Variants in ANO2 observed in about 807,000 individuals in gnomAD.
ANO2 encodes anoctamin-2.
ANO2 carries 101 observed loss-of-function variants against 124.2 expected under a neutral mutation model. That is an observed-to-expected ratio of 0.81 (90% CI 0.69 to 0.96). The LOEUF (loss-of-function observed/expected upper bound fraction) is 0.96. ANO2 is among the 40% of genes least tolerant of loss of function. The probability of loss-of-function intolerance (pLI) is 0.00; values close to 1 mark genes in which losing one functional copy is unlikely to be tolerated. For synonymous variants in ANO2, 486 were observed against 482.5 expected, an observed-to-expected ratio of 1.01 and a Z score of -0.09; for missense variants, 1,293 against 1,274.5, an observed-to-expected ratio of 1.01 and a Z score of -0.22.
intron 14 of ANO2, among the ~76,000 whole-genome samples, chr12:5,723,801 C>T (rs1311834035): frequency 6.6e-6 from 1 of 152,216 alleles, no homozygotes; most frequent in Non-Finnish European, 1.5e-5. Context: ...AGCTACATGT[C>T]CCCTGAAATG....
chr12:5,641,962 A>G (rs1946411441), intron 15 of ANO2, among the ~76,000 whole-genome samples: 1 of 152,178 alleles, frequency 6.6e-6, no homozygotes, highest in African/African-American at 2.4e-5. Context: ...TATTTGTTGA[A>G]TGGTGGTCCA....
At chr12:5,571,665 C>T (rs1371468901) in intron 23 of ANO2, among the ~76,000 whole-genome samples, 7 of 152,178 alleles carry the variant, frequency 4.6e-5, no homozygotes, top group Non-Finnish European at 1.0e-4. Context: ...ACTTCTCTAT[C>T]ATAGTCCCTT....
intron 1 of ANO2, among the ~76,000 whole-genome samples, chr12:5,938,569 C>A (rs1942755380): frequency 6.6e-6 from 1 of 152,136 alleles, no homozygotes; most frequent in Admixed American, 6.5e-5. Flanking sequence ...GCCTATAATC[C>A]CAGCACTTTG....
upstream of ANO2, chr12:5,945,291 C>A (rs1274765133): frequency 1.6e-6 from 2 of 1,225,132 alleles, no homozygotes; most frequent in East Asian, 7.2e-5. Context: ...GGGCTAATTC[C>A]ATCGCGGCTC....
chr12:5,796,383 AAC>A (rs1161526335), intron 10 of ANO2, among the ~76,000 whole-genome samples: 1 of 147,382 alleles, frequency 6.8e-6, no homozygotes, highest in African/African-American at 2.5e-5. Context: ...CACTCTCCCA[AAC>A]ACACATATTC....
chr12:5,923,208 ACC>A (rs1941890741), intron 1 of ANO2, among the ~76,000 whole-genome samples: 29 of 147,124 alleles, frequency 2.0e-4, no homozygotes, highest in African/African-American at 3.5e-4. Context: ...ACGCACACAC[ACC>A]CACATACACA....
At position 5,913,336 on chromosome 12, in the gene ANO2, C is replaced by T. The variant is rs112781448; in HGVS notation, c.534+7704G>A. On this transcript the variant is annotated intron_variant, in intron 3 of 24. Transcript: ENST00000682330. ...TCGCCCTGTGAGGTGATGGACTGAT[C>T]TGGGTCCCAAAAAATGGTCACCCAG... 4.7e-4 allele frequency among the ~76,000 whole-genome samples: 72 copies of T among 152,286 alleles called. 1 individual carries two copies. The highest frequency in any genetic ancestry group is 1.7e-3 in the African/African-American group (71 of 41,564).
At chr12:5,678,158 A>G (rs1160695919) in intron 14 of ANO2, among the ~76,000 whole-genome samples, 1 of 152,160 alleles carries the variant, frequency 6.6e-6, no homozygotes, top group Non-Finnish European at 1.5e-5. Flanking sequence ...GTCGCTAGAT[A>G]ATTGATGCTG....
chr12:5,859,320 T>C (rs533490253), intron 3 of ANO2, among the ~76,000 whole-genome samples: 10 of 152,334 alleles, frequency 6.6e-5, no homozygotes, highest in African/African-American at 1.4e-4. Context: ...ATGTGAAATA[T>C]ATAACAGAGC....
At chr12:5,650,443 A>G (rs453385) in intron 14 of ANO2, among the ~76,000 whole-genome samples, 39,954 of 152,034 alleles carry the variant, frequency 0.26, 5,717 homozygotes, top group African/African-American at 0.36. Context: ...ACAGCTCCCA[A>G]CACACACACA....
chr12:5,718,567 C>T (rs946587954), intron 14 of ANO2, among the ~76,000 whole-genome samples: 8 of 152,160 alleles, frequency 5.3e-5, no homozygotes, highest in Admixed American at 2.0e-4. Flanking sequence ...CATGTTTATG[C>T]GAGGTAAAGG....
intron 4 of ANO2, among the ~76,000 whole-genome samples, chr12:5,853,764 C>T (rs2137254084): frequency 6.6e-6 from 1 of 152,098 alleles, no homozygotes; most frequent in South Asian, 2.1e-4. Context: ...GGAGGTGAAA[C>T]AGAAAAATGA....
chr12:5,761,153 C>T (rs1951733309), intron 10 of ANO2, among the ~76,000 whole-genome samples: 1 of 151,828 alleles, frequency 6.6e-6, no homozygotes, highest in Admixed American at 6.6e-5. Flanking sequence ...AGCAAATACT[C>T]ATCCAAAACT....
intron 14 of ANO2, among the ~76,000 whole-genome samples, chr12:5,676,175 G>T (rs2136994094): frequency 6.6e-6 from 1 of 152,340 alleles, no homozygotes; most frequent in South Asian, 2.1e-4. Context: ...TGGAGGGGAA[G>T]ATGTTCTCTG....
At chr12:5,794,528 C>T (rs1047139899) in intron 10 of ANO2, among the ~76,000 whole-genome samples, 3 of 152,230 alleles carry the variant, frequency 2.0e-5, no homozygotes, top group Non-Finnish European at 2.9e-5. Context: ...TCACCTCAGT[C>T]GTCCTTCAGA....
intron 20 of ANO2, among the ~76,000 whole-genome samples, chr12:5,581,343 C>A (rs1426008350): frequency 1.3e-5 from 2 of 152,144 alleles, no homozygotes; most frequent in African/African-American, 4.8e-5. Context: ...GGCAAGGAGA[C>A]TGATGGGGAG....
At chr12:5,786,913 T>C (rs1164864763) in intron 10 of ANO2, among the ~76,000 whole-genome samples, 4 of 152,170 alleles carry the variant, frequency 2.6e-5, no homozygotes, top group Non-Finnish European at 5.9e-5. Flanking sequence ...AAGGGCATGG[T>C]AAACTGGTCC....
In ANO2 at chr12:5,769,263, C is replaced by T. The variant is rs2137117864; in HGVS notation, c.1056-18293G>A. Among the ~76,000 whole-genome samples, 1 of 152,216 alleles carries T rather than the reference C, an allele frequency of 6.6e-6. No individual in the cohort carries two copies. The highest frequency in any genetic ancestry group is 6.5e-5 in the Admixed American group (1 of 15,294). ...GTATGGAGCAAGGGAGGCTGCAGAG[C>T]CAGGCTGATGGGGTACAGGTGGGAC... On this transcript the variant is annotated intron_variant, in intron 10 of 24. Coordinates refer to ENST00000682330, the MANE Select transcript of ANO2 (RefSeq NM_001364791.2). This position sits in a 1 kb window ranked among gnomAD's most constrained non-coding sequence, Gnocchi z 4.0.
intron 20 of ANO2, among the ~76,000 whole-genome samples, chr12:5,591,233 A>G (rs1163503034): frequency 6.6e-6 from 1 of 152,198 alleles, no homozygotes; most frequent in Non-Finnish European, 1.5e-5. Flanking sequence ...GGAAAATCAC[A>G]GAGTGATTGC....
Sources: gnomAD v4.1 joint callset for allele counts (sites outside exome capture counted in the v4.1 genomes callset) on GRCh38, gnomAD v4.1.1 for gene constraint, Gnocchi (gnomAD v3.1) non-coding constraint, MANE v1.5 for transcripts, NCBI Gene and HGNC (gene_info 2026-07-23, HGNC 2026-07-21) for gene names.